The following SLC35F3 variants were observed in gnomAD, a reference collection of about 807,000 sequenced individuals.
The protein encoded by SLC35F3 is putative thiamine transporter SLC35F3.
Under a neutral mutation model 49.9 loss-of-function variants are expected in SLC35F3, and 25 were observed. The ratio of observed to expected loss-of-function variants is 0.50; its 90% CI spans 0.37 to 0.70. The LOEUF (loss-of-function observed/expected upper bound fraction) is 0.70, where lower values mean the gene tolerates loss of function less well. Among genes scored for constraint, SLC35F3 ranks in the 30% least tolerant of loss-of-function variants. SLC35F3 has a pLI of 0.00. For missense variants in SLC35F3, 525 were observed against 639.8 expected, an observed-to-expected ratio of 0.82 and a Z score of 1.94; for synonymous variants, 275 against 265.4, an observed-to-expected ratio of 1.04 and a Z score of -0.35.
At chr1:234,069,233 TA>T (rs1254001287) in intron 2 of SLC35F3, among the ~76,000 whole-genome samples, 2 of 137,352 alleles carry the variant, frequency 1.5e-5, no homozygotes, top group Non-Finnish European at 3.1e-5. Flanking sequence ...TAATTTTATA[TA>T]AAAATATATA....
At chr1:233,922,550 C>T (rs1187337939) in intron 2 of SLC35F3, among the ~76,000 whole-genome samples, 4 of 142,494 alleles carry the variant, frequency 2.8e-5, no homozygotes, top group Non-Finnish European at 4.5e-5. Flanking sequence ...GATATTAGCC[C>T]TTTGTCAGAT....
At chr1:234,077,375 A>G (rs1010888216) in intron 2 of SLC35F3, among the ~76,000 whole-genome samples, 5 of 152,214 alleles carry the variant, frequency 3.3e-5, no homozygotes, top group Non-Finnish European at 7.3e-5. Context: ...ATCATGACAG[A>G]AGGTGAAGGG....
chr1:234,159,719 T>C (rs1227876876), intron 2 of SLC35F3, among the ~76,000 whole-genome samples: 1 of 152,200 alleles, frequency 6.6e-6, no homozygotes, highest in Non-Finnish European at 1.5e-5. Flanking sequence ...GTTTCACATC[T>C]GGAATTTTCC....
At chr1:234,246,539 G>A (rs1160665604) in intron 3 of SLC35F3, among the ~76,000 whole-genome samples, 4 of 152,190 alleles carry the variant, frequency 2.6e-5, no homozygotes, top group Admixed American at 1.3e-4. Flanking sequence ...GCAAACACAC[G>A]ATGTGTTTTC....
At chr1:234,091,411 C>T (rs1665042613) in intron 2 of SLC35F3, among the ~76,000 whole-genome samples, 1 of 152,204 alleles carries the variant, frequency 6.6e-6, no homozygotes, top group African/African-American at 2.4e-5. Flanking sequence ...TCACCCCTGC[C>T]TTAATCAGCT....
At chr1:234,085,161 G>A (rs776398600) in intron 2 of SLC35F3, among the ~76,000 whole-genome samples, 1 of 152,222 alleles carries the variant, frequency 6.6e-6, no homozygotes, top group Non-Finnish European at 1.5e-5. Context: ...GTTTCTGGCT[G>A]TGTCTTGCAG....
rs577211731 is a variant in SLC35F3, at chr1:233,999,784, A to C, written c.283+94026A>C. Among the ~76,000 whole-genome samples, 4 of 152,188 alleles carry C rather than the reference A, an allele frequency of 2.6e-5. No homozygotes were observed. The East Asian group carries it at 7.8e-4, about 29-fold the overall frequency. On this transcript the variant is annotated intron_variant, in intron 2 of 7. Coordinates refer to ENST00000366618, the MANE Select transcript of SLC35F3 (RefSeq NM_173508.4). ...CCTTACAGTGTATTTATTTGCATTA[A>C]TTTCCTTTCTAGACTTTAACATTTG...
chr1:233,974,877 C>T (rs1001160332), intron 2 of SLC35F3, among the ~76,000 whole-genome samples: 2 of 152,192 alleles, frequency 1.3e-5, no homozygotes, highest in African/African-American at 2.4e-5. Flanking sequence ...TGGAGGGAAA[C>T]GTACCACATA....
At chr1:234,194,448 A>G (rs1488745782) in intron 2 of SLC35F3, among the ~76,000 whole-genome samples, 1 of 152,138 alleles carries the variant, frequency 6.6e-6, no homozygotes, top group Non-Finnish European at 1.5e-5. Context: ...CTCAGGAGAG[A>G]GGGTGGGAGG....
rs57010808 is a variant in SLC35F3 at position 233,905,676 on chromosome 1, G to C, written c.201G>C (p.Pro67=). Residue 67 remains proline, a synonymous_variant, in exon 2 of 8, where the codon CCG becomes CCC. Coordinates refer to ENST00000366618, the MANE Select transcript of SLC35F3 (RefSeq NM_173508.4). ...CCGTGGAGGATCTCACCAGCGGGCCGGTGGGGCTCACGTCCATCGAGGAGC... is the reference window on the plus strand; with the variant it reads ...CCGTGGAGGATCTCACCAGCGGGCCCGTGGGGCTCACGTCCATCGAGGAGC... ...SRSVEDLTSG[P]VGLTSIEERI... 0.51 allele frequency: 821,994 copies of C among 1,613,874 alleles called. 212,875 individuals carry two copies. Among genetic ancestry groups the C allele is most frequent in the South Asian group, 0.56 (51,019 of 91,088 alleles).
At chr1:234,035,144 C>A (rs1664121983) in intron 2 of SLC35F3, among the ~76,000 whole-genome samples, 1 of 152,106 alleles carries the variant, frequency 6.6e-6, no homozygotes, top group African/African-American at 2.4e-5. Flanking sequence ...TGGGATTGTT[C>A]CCTTATTTGG....
chr1:233,923,245 G>A (rs1166623922), intron 2 of SLC35F3, among the ~76,000 whole-genome samples: 5 of 152,232 alleles, frequency 3.3e-5, no homozygotes, highest in African/African-American at 7.2e-5. Context: ...GGGCAGTATG[G>A]CCATTTTCAT....
chr1:234,234,930 T>C (rs1667440830), intron 3 of SLC35F3, among the ~76,000 whole-genome samples: 1 of 152,238 alleles, frequency 6.6e-6, no homozygotes. Flanking sequence ...TGTGTTGTGA[T>C]AGCCTCTGTG....
chr1:234,258,520 C>T (rs907156405), intron 3 of SLC35F3, among the ~76,000 whole-genome samples: 2 of 152,180 alleles, frequency 1.3e-5, no homozygotes, highest in Admixed American at 6.5e-5. Flanking sequence ...AATTCAGGCC[C>T]CTCCCATAAT....
At chr1:233,913,468 G>T (rs1192846695) in intron 2 of SLC35F3, among the ~76,000 whole-genome samples, 3 of 152,216 alleles carry the variant, frequency 2.0e-5, no homozygotes, top group Non-Finnish European at 4.4e-5. Flanking sequence ...GTTTAAGAAT[G>T]TGGCTGAAGC....
chr1:234,240,244 C>T (rs943400511), intron 3 of SLC35F3, among the ~76,000 whole-genome samples: 8 of 150,896 alleles, frequency 5.3e-5, no homozygotes, highest in East Asian at 1.9e-4. Context: ...CTGAGTCGGG[C>T]GGATCACTTG....
intron 6 of SLC35F3, among the ~76,000 whole-genome samples, 188 bp from the exon 7 acceptor site, chr1:234,319,910 G>A (rs568367154): frequency 3.3e-5 from 5 of 152,214 alleles, no homozygotes; most frequent in East Asian, 3.9e-4. Flanking sequence ...AGTACTCAGA[G>A]TGTCTGCTCC....
chr1:234,147,232 T>A (rs975847056), intron 2 of SLC35F3, among the ~76,000 whole-genome samples: 8,402 of 85,256 alleles, frequency 0.099, 300 homozygotes, highest in African/African-American at 0.43. Flanking sequence ...TCTATTTTCT[T>A]TTTTTTTTTT....
chr1:233,999,804 C>T (rs995076851), intron 2 of SLC35F3, among the ~76,000 whole-genome samples: 5 of 152,262 alleles, frequency 3.3e-5, no homozygotes, highest in African/African-American at 1.2e-4. Context: ...TAGACTTTAA[C>T]ATTTGTGAAA....
Sources: gnomAD v4.1 joint callset for allele counts (sites outside exome capture counted in the v4.1 genomes callset) on GRCh38, gnomAD v4.1.1 for gene constraint, MANE v1.5 for transcripts, NCBI Gene and HGNC (gene_info 2026-07-23, HGNC 2026-07-21) for gene names.